Variants in PIK3R3 observed in about 807,000 individuals in gnomAD.
The protein encoded by PIK3R3 is phosphoinositide-3-kinase regulatory subunit 3, also known as phosphatidylinositol 3-kinase regulatory subunit gamma.
In PIK3R3, 64 loss-of-function variants were observed where a neutral mutation model predicts 62.9. The ratio of observed to expected loss-of-function variants is 1.02; its 90% CI spans 0.83 to 1.25. The LOEUF is 1.25. Ranked by LOEUF, PIK3R3 falls within the 50% of genes most tolerant of loss-of-function variation. PIK3R3 has a pLI of 0.00. For missense variants in PIK3R3, 614 were observed against 561.6 expected (o/e 1.09, Z -0.94); for synonymous variants, 165 against 189.0 (o/e 0.87, Z 1.04).
Position 46,045,617 on chromosome 1 carries a change from C to CTTTTT in PIK3R3, c.1187+296_1187+300dup, listed in dbSNP as rs1031388121. Reference sequence around the variant, plus strand: ...TAGGATACTACTAAACAATTAAGTGCTTTTTTTTTTTTTTTTTTTTTTTTT... The same window carrying CTTTTT: ...TAGGATACTACTAAACAATTAAGTGCTTTTTTTTTTTTTTTTTTTTTTTTTTTTTT... On this transcript the variant is annotated intron_variant, in intron 9 of 9. Transcript: ENST00000262741. Among the ~76,000 whole-genome samples, 70 of 21,198 alleles carry CTTTTT rather than the reference C, an allele frequency of 3.3e-3. 20 individuals are homozygous for CTTTTT. The highest frequency in any genetic ancestry group is 9.7e-3 in the African/African-American group (44 of 4,556). The allele number at this position is 21,198 out of a possible 152,430, so 13.9% of individuals were successfully genotyped here. A position where few individuals can be genotyped will look rare whatever the true frequency, so the allele number is the denominator to read the frequency against.
In PIK3R3 at chr1:46,045,992, C is replaced by CT; in HGVS notation, c.1112_1113insA (p.Leu372AlafsTer6). The stretch of plus-strand genomic sequence containing the variant: ...ATGCACCATCAGGTTTCCCATAAAG[C>CT]AAGTCCTCTGCTTGTACTCGATTGA... On this transcript the variant is annotated frameshift_variant, in exon 9 of 10. Coordinates refer to ENST00000262741, the MANE Select transcript of PIK3R3 (RefSeq NM_003629.4). LOFTEE classifies it high-confidence loss of function. 1 of 1,613,434 alleles carries CT rather than the reference C, an allele frequency of 6.2e-7. No homozygotes were observed. The highest frequency in any genetic ancestry group is 8.5e-7 in the Non-Finnish European group (1 of 1,179,512).
chr1:46,169,886 T>C, the PIK3R3 span, among the ~76,000 whole-genome samples: 2 of 152,206 alleles, frequency 1.3e-5, no homozygotes, highest in Non-Finnish European at 2.9e-5. Context: ...GCCCCAAAGA[T>C]TGGACAAGGG....
chr1:46,151,152 C>T, the PIK3R3 span, among the ~76,000 whole-genome samples: 1 of 152,054 alleles, frequency 6.6e-6, no homozygotes, highest in East Asian at 1.9e-4. Flanking sequence ...TGATCCCCAC[C>T]AATGTACCTA....
chr1:46,146,132 C>T, the PIK3R3 span, among the ~76,000 whole-genome samples: 1 of 152,196 alleles, frequency 6.6e-6, no homozygotes. Flanking sequence ...GAGACTCCAA[C>T]TACATTCTGT....
chr1:46,078,329 CG>C (rs1650257565), intron 2 of PIK3R3, among the ~76,000 whole-genome samples: 1 of 152,100 alleles, frequency 6.6e-6, no homozygotes, highest in South Asian at 2.1e-4. Flanking sequence ...CTTGAGGTCA[CG>C]GGTTCGAGAC....
chr1:46,099,661 C>A (rs181414275), intron 1 of PIK3R3, among the ~76,000 whole-genome samples: 261 of 152,260 alleles, frequency 1.7e-3, no homozygotes, highest in Admixed American at 2.9e-3. Context: ...ATGGACATTT[C>A]AGCTGCTTGT....
At chr1:46,077,458 A>G in intron 3 of PIK3R3, 57 bp downstream of exon 3, 1 of 841,522 alleles carries the variant, frequency 1.2e-6, no homozygotes, top group Non-Finnish European at 2.0e-6. Context: ...ATATCTGTAT[A>G]CCCAGAACTA....
At chr1:46,145,582 A>C in the PIK3R3 span, among the ~76,000 whole-genome samples, 6 of 152,200 alleles carry the variant, frequency 3.9e-5, no homozygotes, top group South Asian at 1.2e-3. Context: ...ATCTATTCCC[A>C]TGAATTCAAG....
At chr1:46,123,394 C>G (rs1003016650) in intron 1 of PIK3R3, among the ~76,000 whole-genome samples, 1 of 151,846 alleles carries the variant, frequency 6.6e-6, no homozygotes, top group Admixed American at 6.6e-5. Context: ...AGAAGGAATT[C>G]GACTAGAAGT....
At chr1:46,120,837 G>A (rs997888600) in intron 1 of PIK3R3, among the ~76,000 whole-genome samples, 3 of 152,164 alleles carry the variant, frequency 2.0e-5, no homozygotes, top group African/African-American at 7.2e-5. Context: ...CTGGTGACTG[G>A]TTCAGGAACT....
At chr1:46,159,738 T>TACACACACACACAC in the PIK3R3 span, among the ~76,000 whole-genome samples, 374 of 148,112 alleles carry the variant, frequency 2.5e-3, 1 homozygote, top group African/African-American at 8.3e-3. Flanking sequence ...ATGAGTACCA[T>TACACACACACACAC]ACACACACAC....
At chr1:46,122,205 A>G (rs1217135427) in intron 1 of PIK3R3, among the ~76,000 whole-genome samples, 1 of 152,240 alleles carries the variant, frequency 6.6e-6, no homozygotes, top group East Asian at 1.9e-4. Flanking sequence ...TGGGCAAGCA[A>G]TGTGGAAATT....
intron 1 of PIK3R3, among the ~76,000 whole-genome samples, chr1:46,108,495 C>T (rs776433437): frequency 3.3e-5 from 5 of 152,208 alleles, no homozygotes; most frequent in Non-Finnish European, 5.9e-5. Flanking sequence ...AGATTACTAT[C>T]CTGTTGGTAA....
intron 3 of PIK3R3, among the ~76,000 whole-genome samples, chr1:46,068,203 T>C (rs563052667): frequency 2.0e-5 from 3 of 152,328 alleles, no homozygotes; most frequent in South Asian, 4.1e-4. Flanking sequence ...AGAAGGACCA[T>C]CTAATCATAT....
At chr1:46,129,596 A>T (rs932638276) in intron 1 of PIK3R3, among the ~76,000 whole-genome samples, 1 of 152,152 alleles carries the variant, frequency 6.6e-6, no homozygotes, top group Non-Finnish European at 1.5e-5. Context: ...GCAGTCCAGG[A>T]AGGAAATAAT....
chr1:46,074,307 AAAAAAAAAAAC>A lies in PIK3R3; in HGVS notation c.314+3197_314+3207del, dbSNP rs1216575538. ...CCGTCAAAAAAAAAAAAAAAAAAAA[AAAAAAAAAAAC>A]CAATAAATTCAGCCTGACTCAACTT... On this transcript the variant is annotated intron_variant, in intron 3 of 9. Coordinates refer to ENST00000262741, the MANE Select transcript of PIK3R3 (RefSeq NM_003629.4). Among the ~76,000 whole-genome samples, 45 of 146,208 alleles carry A rather than the reference AAAAAAAAAAAC, an allele frequency of 3.1e-4. 2 individuals are homozygous for A. Among genetic ancestry groups the A allele is most frequent in the South Asian group, 8.7e-4 (4 of 4,592 alleles).
Position 46,044,858 on chromosome 1 carries a change from T to C in PIK3R3, c.1188-987A>G, listed in dbSNP as rs374673428. ...CTGGTGCAATAGAAAAATGTGGGTTTTGAAACCAGGTAAACTTGGATTCAA... is the reference window on the plus strand; with the variant it reads ...CTGGTGCAATAGAAAAATGTGGGTTCTGAAACCAGGTAAACTTGGATTCAA... On this transcript the variant is annotated intron_variant, in intron 9 of 9. Transcript: ENST00000262741. The surrounding 1 kb of genome is among the most constrained non-coding windows in gnomAD (Gnocchi z 4.2). Among the ~76,000 whole-genome samples the C allele has an allele frequency of 1.1e-4, 16 of 152,240 alleles. No homozygotes were observed. The East Asian group carries it at 1.5e-3, about 15-fold the overall frequency.
chr1:46,096,888 ACTGAAG>A (rs1652187231), intron 1 of PIK3R3, among the ~76,000 whole-genome samples: 1 of 151,700 alleles, frequency 6.6e-6, no homozygotes. Flanking sequence ...CAATAACAAA[ACTGAAG>A]AAAACTAAGA....
chr1:46,115,472 A>G (rs1279465818), intron 1 of PIK3R3, among the ~76,000 whole-genome samples: 1 of 152,212 alleles, frequency 6.6e-6, no homozygotes, highest in Non-Finnish European at 1.5e-5. Flanking sequence ...TTTAGCAAAT[A>G]AAAATATAGG....
Sources: gnomAD v4.1 joint callset for allele counts (sites outside exome capture counted in the v4.1 genomes callset) on GRCh38, gnomAD v4.1.1 for gene constraint, Gnocchi (gnomAD v3.1) non-coding constraint, MANE v1.5 for transcripts, NCBI Gene and HGNC (gene_info 2026-07-23, HGNC 2026-07-21) for gene names.